PTPRD: variants seen among roughly 807,000 people sequenced by gnomAD.
PTPRD encodes protein tyrosine phosphatase receptor type D.
A neutral mutation model predicts 214.5 loss-of-function variants in PTPRD; 34 were observed. The observed-to-expected ratio is 0.16, with a 90% CI of 0.12 to 0.21. The LOEUF (loss-of-function observed/expected upper bound fraction) is 0.21, where lower values mean the gene tolerates loss of function less well. Ranked by LOEUF, PTPRD falls within the 10% of genes least tolerant of loss-of-function variation. PTPRD has a pLI of 1.00. For synonymous variants in PTPRD, 1,128 were observed against 845.7 expected (o/e 1.33, Z -5.79); for missense variants, 2,545 against 2,398.7 (o/e 1.06, Z -1.27).
intron 2 of PTPRD, among the ~76,000 whole-genome samples, chr9:10,378,360 G>A (rs994269667): frequency 6.6e-6 from 1 of 152,106 alleles, no homozygotes; most frequent in Non-Finnish European, 1.5e-5. Context: ...ATCTGGGCTT[G>A]TAGGGTATTG....
intron 3 of PTPRD, among the ~76,000 whole-genome samples, chr9:10,293,976 T>A (rs1445942843): frequency 6.6e-6 from 1 of 151,968 alleles, no homozygotes; most frequent in Non-Finnish European, 1.5e-5. Flanking sequence ...TTTAAATGTG[T>A]GACAGATTTT....
chr9:10,380,501 A>C (rs1336582259), intron 2 of PTPRD, among the ~76,000 whole-genome samples: 1 of 152,070 alleles, frequency 6.6e-6, no homozygotes, highest in Admixed American at 6.6e-5. Context: ...CGAAACACAT[A>C]TCATAGTACC....
At chr9:9,661,827 C>A (rs1043870677) in intron 7 of PTPRD, among the ~76,000 whole-genome samples, 4 of 151,538 alleles carry the variant, frequency 2.6e-5, no homozygotes, top group Non-Finnish European at 5.9e-5. Context: ...GAGAAAAAGA[C>A]CTTGTGTAAA....
intron 11 of PTPRD, among the ~76,000 whole-genome samples, chr9:8,967,849 T>C (rs528809271): frequency 3.0e-4 from 45 of 152,062 alleles, no homozygotes; most frequent in Middle Eastern, 3.4e-3. Flanking sequence ...GTGTGCTGCA[T>C]CCATTAACTC....
chr9:10,214,052 G>A (rs1163967327), intron 3 of PTPRD, among the ~76,000 whole-genome samples: 2 of 151,864 alleles, frequency 1.3e-5, no homozygotes, highest in Admixed American at 1.3e-4. Context: ...CCTTCAATAA[G>A]CCCCTCATAT....
chr9:9,119,619 G>C (rs193267248), intron 10 of PTPRD, among the ~76,000 whole-genome samples: 10 of 151,936 alleles, frequency 6.6e-5, no homozygotes, highest in African/African-American at 2.4e-4. Flanking sequence ...AACCTCCCAG[G>C]TTCAAGCGAT....
chr9:9,591,899 C>T (rs955650264), intron 7 of PTPRD, among the ~76,000 whole-genome samples: 1 of 152,048 alleles, frequency 6.6e-6, no homozygotes, highest in African/African-American at 2.4e-5. Context: ...TAGTGGAACA[C>T]CAGAACTTAT....
intron 7 of PTPRD, among the ~76,000 whole-genome samples, chr9:9,730,572 T>G (rs2098171038): frequency 1.3e-5 from 2 of 152,266 alleles, no homozygotes; most frequent in South Asian, 2.1e-4. Context: ...TTGTTTTAAC[T>G]ATCTATGTAT....
At chr9:9,694,513 C>T (rs958740020) in intron 7 of PTPRD, among the ~76,000 whole-genome samples, 4 of 151,966 alleles carry the variant, frequency 2.6e-5, no homozygotes, top group Admixed American at 6.6e-5. Context: ...AGATCTGAAG[C>T]CAGCAGAGTA....
chr9:9,428,987 A>G (rs953004286), intron 8 of PTPRD, among the ~76,000 whole-genome samples: 3 of 152,220 alleles, frequency 2.0e-5, no homozygotes, highest in Non-Finnish European at 4.4e-5. Context: ...TATCACAATT[A>G]AAAGAACTAG....
intron 2 of PTPRD, among the ~76,000 whole-genome samples, chr9:10,587,728 G>A (rs1449937220): frequency 6.6e-6 from 1 of 151,980 alleles, no homozygotes; most frequent in African/African-American, 2.4e-5. Flanking sequence ...ATAACATGTA[G>A]TTGGCACTTA....
intron 2 of PTPRD, among the ~76,000 whole-genome samples, chr9:10,603,632 T>C (rs2133455989): frequency 6.6e-6 from 1 of 152,014 alleles, no homozygotes; most frequent in Non-Finnish European, 1.5e-5. Flanking sequence ...ACAGGAATGA[T>C]ATGGGTATAA....
At chr9:9,179,087 C>T (rs987446018) in intron 10 of PTPRD, among the ~76,000 whole-genome samples, 1 of 152,054 alleles carries the variant, frequency 6.6e-6, no homozygotes, top group Non-Finnish European at 1.5e-5. Flanking sequence ...CTACTCAGAA[C>T]TTCACAAACA....
chr9:8,941,750 G>C (rs1294702115), intron 11 of PTPRD, among the ~76,000 whole-genome samples: 1 of 152,060 alleles, frequency 6.6e-6, no homozygotes, highest in Non-Finnish European at 1.5e-5. Context: ...TTCATCAAGG[G>C]CTTTTAAGTA....
Position 10,223,707 on chromosome 9 carries a change from A to AATAATG in PTPRD, c.-545+117255_-545+117256insCATTAT, listed in dbSNP as rs1161136401. On this transcript the variant is annotated intron_variant, in intron 3 of 45. Coordinates refer to ENST00000381196, the MANE Select transcript of PTPRD (RefSeq NM_002839.4). ...TAATAATAATAATAATAATAATAAT[A>AATAATG]ATAATAAAGTAGAGTAGTTAAACCA... 2.7e-5 allele frequency among the ~76,000 whole-genome samples: 4 copies of AATAATG among 146,204 alleles called. No individual in the cohort carries two copies. The East Asian group carries it at 7.9e-4, about 29-fold the overall frequency.
intron 11 of PTPRD, among the ~76,000 whole-genome samples, chr9:8,938,712 G>GAA (rs1354223670): frequency 6.9e-6 from 1 of 144,392 alleles, no homozygotes; most frequent in Non-Finnish European, 1.5e-5. Context: ...AAGAGGCCAA[G>GAA]AAAAAAAAAA....
In PTPRD at chr9:9,985,739, A is replaced by C. The variant is rs150461138; in HGVS notation, c.-471-47129T>G. ...AAGTGATATTAGAAAAATTGATAAG[A>C]TATTATCATTTATAATAACAGTTTT... On this transcript the variant is annotated intron_variant, in intron 4 of 45. Transcript: ENST00000381196. Among the ~76,000 whole-genome samples the C allele has an allele frequency of 2.2e-3, 339 of 152,098 alleles. 1 individual carries two copies. The highest frequency in any genetic ancestry group is 7.7e-3 in the African/African-American group (318 of 41,540).
At position 9,323,792 on chromosome 9, in the gene PTPRD, T is replaced by C. The variant is rs538853247; in HGVS notation, c.-203+73657A>G. Among the ~76,000 whole-genome samples, 5 of 152,282 alleles carry C rather than the reference T, an allele frequency of 3.3e-5. 1 individual carries two copies. The South Asian group carries it at 1.0e-3, about 32-fold the overall frequency. On this transcript the variant is annotated intron_variant, in intron 9 of 45. Transcript: ENST00000381196. ...GTGCCATGTTGGTTTGCTGCACCCATTAACTCGTCATTTACATTAGGTATT... is the reference window on the plus strand; with the variant it reads ...GTGCCATGTTGGTTTGCTGCACCCACTAACTCGTCATTTACATTAGGTATT...
chr9:10,437,662 C>T (rs535593953), intron 2 of PTPRD, among the ~76,000 whole-genome samples: 3 of 151,680 alleles, frequency 2.0e-5, no homozygotes, highest in East Asian at 1.9e-4. Flanking sequence ...ATTGAGCAAA[C>T]CTACAGTGTA....
Sources: gnomAD v4.1 joint callset for allele counts (sites outside exome capture counted in the v4.1 genomes callset) on GRCh38, gnomAD v4.1.1 for gene constraint, MANE v1.5 for transcripts, NCBI Gene and HGNC (gene_info 2026-07-23, HGNC 2026-07-21) for gene names.